The following ELAPOR1 variants were observed in gnomAD, a reference collection of about 807,000 sequenced individuals.
The protein encoded by ELAPOR1 is endosome-lysosome associated apoptosis and autophagy regulator 1, also known as endosome/lysosome-associated apoptosis and autophagy regulator 1.
In ELAPOR1, 77 loss-of-function variants were observed where a neutral mutation model predicts 119.7. The observed-to-expected ratio is 0.64, with a 90% CI of 0.54 to 0.78. The LOEUF is 0.78. ELAPOR1 is among the 30% of genes least tolerant of loss of function. The probability of loss-of-function intolerance (pLI) is 0.00; values close to 1 mark genes in which losing one functional copy is unlikely to be tolerated. For missense variants in ELAPOR1, 1,115 were observed against 1,270.4 expected (o/e 0.88, Z 1.86); for synonymous variants, 481 against 487.2 (o/e 0.99, Z 0.17).
At chr1:109,128,199 A>G (rs1313871977) in intron 1 of ELAPOR1, among the ~76,000 whole-genome samples, 1 of 152,184 alleles carries the variant, frequency 6.6e-6, no homozygotes, top group African/African-American at 2.4e-5. Context: ...TAAAAGATCC[A>G]CAAAACTATG....
In ELAPOR1 at chr1:109,185,074, C is replaced by T; in HGVS notation, c.982C>T (p.Pro328Ser). 6.2e-7 allele frequency: 1 copy of T among 1,614,062 alleles called. No homozygotes were observed. The highest frequency in any genetic ancestry group is 8.5e-7 in the Non-Finnish European group (1 of 1,179,968). Residue 328 changes from proline to serine, a missense_variant, in exon 8 of 22, where the codon CCA becomes TCA. Transcript: ENST00000369939. ...EKGSSSCNVR[P>S]ACTDKDYFYT... ...AGGATCTTCTTCCTGTAACGTGCGC[C>T]CAGCTTGCACAGACAAAGATTATTT...
chr1:109,173,288 G>T (rs966358199), intron 5 of ELAPOR1, among the ~76,000 whole-genome samples, 186 bp from the exon 6 acceptor site: 8 of 152,048 alleles, frequency 5.3e-5, no homozygotes, highest in Admixed American at 2.6e-4. Context: ...GTAAGAGGAG[G>T]CTTAGAAAGA....
chr1:109,121,529 C>T (rs1648418396), intron 1 of ELAPOR1, among the ~76,000 whole-genome samples: 1 of 152,168 alleles, frequency 6.6e-6, no homozygotes, highest in Non-Finnish European at 1.5e-5. Flanking sequence ...ATGGAAGTAA[C>T]AGCCTTGAAC....
rs558013690 is a variant in ELAPOR1 at position 109,122,399 on chromosome 1, C to T, written c.153+8063C>T. On this transcript the variant is annotated intron_variant, in intron 1 of 21. Coordinates refer to ENST00000369939, the MANE Select transcript of ELAPOR1 (RefSeq NM_020775.5). Reference sequence around the variant, plus strand: ...AAAGGCAGGATGTAGTGGCTCGTCCCGGTAATCCCAGTACTTTGGGAGGCC... The same window carrying T: ...AAAGGCAGGATGTAGTGGCTCGTCCTGGTAATCCCAGTACTTTGGGAGGCC... Among the ~76,000 whole-genome samples the T allele has an allele frequency of 1.7e-3, 259 of 150,894 alleles. 2 individuals carry two copies. The highest frequency in any genetic ancestry group is 6.1e-3 in the African/African-American group (252 of 41,006).
rs115094155 is a variant in ELAPOR1, at chr1:109,194,597, A to G, written c.2121+3A>G. On this transcript the variant is annotated splice_donor_region_variant and intron_variant, in intron 15 of 21. Transcript: ENST00000369939. ...CCCTCAGTCTCTGTGGAAACCAGGT[A>G]AGGTATACCAGTTGACAGGGTGAAA... The G allele has an allele frequency of 1.2e-6, 2 of 1,613,092 alleles. No homozygotes were observed. The highest frequency in any genetic ancestry group is 2.7e-5 in the African/African-American group (2 of 75,052).
At chr1:109,157,189 C>A (rs1570655357) in intron 1 of ELAPOR1, among the ~76,000 whole-genome samples, 2 of 152,142 alleles carry the variant, frequency 1.3e-5, no homozygotes, top group East Asian at 3.9e-4. Flanking sequence ...CAGGAGCCTA[C>A]ACAGGCTGCT....
At chr1:109,165,338 G>A (rs1370309499) in intron 3 of ELAPOR1, among the ~76,000 whole-genome samples, 1 of 152,144 alleles carries the variant, frequency 6.6e-6, no homozygotes, top group Admixed American at 6.5e-5. Context: ...TGTAATCCCA[G>A]CACTCTGGGA....
At chr1:109,135,353 C>T (rs1649402889) in intron 1 of ELAPOR1, among the ~76,000 whole-genome samples, 1 of 152,132 alleles carries the variant, frequency 6.6e-6, no homozygotes, top group South Asian at 2.1e-4. Context: ...AAGCGATTCT[C>T]CTGCCTCAGC....
chr1:109,158,763 T>C (rs1305324614), intron 1 of ELAPOR1, among the ~76,000 whole-genome samples: 1 of 152,140 alleles, frequency 6.6e-6, no homozygotes, highest in African/African-American at 2.4e-5. Flanking sequence ...TTCAGACAGA[T>C]CACTGAGTAA....
chr1:109,123,983 A>G (rs1388855800), intron 1 of ELAPOR1, among the ~76,000 whole-genome samples: 1 of 152,004 alleles, frequency 6.6e-6, no homozygotes, highest in African/African-American at 2.4e-5. Context: ...TTGTATTTTT[A>G]GTAGAGACAG....
In ELAPOR1 at chr1:109,194,567, C is replaced by CT. The variant is rs1228735648; in HGVS notation, c.2097dup (p.Thr700TyrfsTer10). 6.2e-7 allele frequency: 1 copy of CT among 1,613,820 alleles called. No homozygotes were observed. Among genetic ancestry groups the CT allele is most frequent in the African/African-American group, 1.3e-5 (1 of 74,936 alleles). ...CCAAAGGGCTGAAATACTTCCATCA[C>CT]TTTACCCTCAGTCTCTGTGGAAACC... On this transcript the variant is annotated frameshift_variant, in exon 15 of 22. Transcript: ENST00000369939. LOFTEE classifies it high-confidence loss of function.
intron 8 of ELAPOR1, 187 bp from the exon 9 acceptor site, chr1:109,187,990 C>T (rs1365572367): frequency 7.4e-7 from 1 of 1,359,004 alleles, no homozygotes; most frequent in African/African-American, 1.4e-5. Context: ...TTGAACACAA[C>T]CATGACTCAG....
rs1263253340 is a variant in ELAPOR1, at chr1:109,158,910, T to TA, written c.154-2983dup. Among the ~76,000 whole-genome samples the TA allele has an allele frequency of 9.3e-4, 139 of 150,222 alleles. 1 individual carries two copies. Among genetic ancestry groups the TA allele is most frequent in the Admixed American group, 8.5e-3 (129 of 15,128 alleles). The stretch of plus-strand genomic sequence containing the variant: ...TTATGTCTTTTTTTTTTTTTTTTTT[T>TA]AGACGGAGTCTTGCTTTTTTTGCCC... On this transcript the variant is annotated intron_variant, in intron 1 of 21. Coordinates refer to ENST00000369939, the MANE Select transcript of ELAPOR1 (RefSeq NM_020775.5).
intron 1 of ELAPOR1, among the ~76,000 whole-genome samples, chr1:109,158,523 G>A (rs887763449): frequency 9.2e-5 from 14 of 152,100 alleles, no homozygotes; most frequent in Non-Finnish European, 1.6e-4. Context: ...GTGACGCTAC[G>A]GAAGGATGCG....
rs754877386 is a variant in ELAPOR1, at chr1:109,197,517, G to A, written c.2165G>A (p.Arg722Gln). 4.0e-5 allele frequency: 64 copies of A among 1,614,102 alleles called. No homozygotes were observed. The highest frequency in any genetic ancestry group is 3.3e-4 in the South Asian group (30 of 91,084). Residue 722 changes from arginine (R) to glutamine (Q), a missense_variant, in exon 16 of 22, where the codon CGG (arginine) becomes CAG (glutamine). Physicochemically the swap from Arg to Gln is conservative, Grantham distance 43. Coordinates refer to ENST00000369939, the MANE Select transcript of ELAPOR1 (RefSeq NM_020775.5). ...SVCTDNVTDL[R>Q]IPEGESGFSK... ...TGCACCGACAATGTCACTGACCTCCGGATTCCTGAGGGTGAGTCAGGGTTC... is the reference window on the plus strand; with the variant it reads ...TGCACCGACAATGTCACTGACCTCCAGATTCCTGAGGGTGAGTCAGGGTTC...
chr1:109,146,361 A>T (rs1354374138), intron 1 of ELAPOR1, among the ~76,000 whole-genome samples: 1 of 152,050 alleles, frequency 6.6e-6, no homozygotes, highest in Admixed American at 6.6e-5. Context: ...AAAAATTAAG[A>T]ATTCCAGGCC....
chr1:109,162,533 C>T (rs1020357882), intron 2 of ELAPOR1, among the ~76,000 whole-genome samples: 4 of 152,170 alleles, frequency 2.6e-5, no homozygotes, highest in East Asian at 1.9e-4. Context: ...AGTGGCTTGC[C>T]GCAGCCCCAG....
chr1:109,197,696 T>A lies in ELAPOR1; in HGVS notation c.2302+42T>A, dbSNP rs755850314. ...CCTCAGCCTTGTTTGAGAGTGTGTG[T>A]GTGTGTGTGTGTGTGTGTATGTGTA... On this transcript the variant is annotated intron_variant, in intron 16 of 21. Coordinates refer to ENST00000369939, the MANE Select transcript of ELAPOR1 (RefSeq NM_020775.5). 194 of 1,523,478 alleles carry A rather than the reference T, an allele frequency of 1.3e-4. 2 individuals carry two copies. The highest frequency in any genetic ancestry group is 8.6e-4 in the South Asian group (70 of 81,340). The allele number at this position is 1,523,478 out of a possible 1,614,324, so 94.4% of individuals were successfully genotyped here.
At chr1:109,127,851 A>G (rs375913942) in intron 1 of ELAPOR1, among the ~76,000 whole-genome samples, 1 of 148,752 alleles carries the variant, frequency 6.7e-6, no homozygotes, top group Non-Finnish European at 1.5e-5. Flanking sequence ...GACATGAGCC[A>G]CTGCACCCGG....
Sources: gnomAD v4.1 joint callset for allele counts (sites outside exome capture counted in the v4.1 genomes callset) on GRCh38, gnomAD v4.1.1 for gene constraint, MANE v1.5 for transcripts, NCBI Gene and HGNC (gene_info 2026-07-23, HGNC 2026-07-21) for gene names.